Variants in RANBP17 observed in about 807,000 individuals in gnomAD.
RANBP17 encodes the protein RAN binding protein 17.
RANBP17 carries 158 observed loss-of-function variants against 141.2 expected under a neutral mutation model. That is an observed-to-expected ratio of 1.12 (90% CI 0.98 to 1.28). The LOEUF (loss-of-function observed/expected upper bound fraction) is 1.28. Among genes scored for constraint, RANBP17 ranks in the 50% most tolerant of loss-of-function variants. The pLI is 0.00. For synonymous variants in RANBP17, 430 were observed against 450.0 expected (o/e 0.96, Z 0.56); for missense variants, 1,438 against 1,290.7 (o/e 1.11, Z -1.75).
intron 14 of RANBP17, among the ~76,000 whole-genome samples, chr5:171,012,493 C>G (rs1780126734): frequency 2.0e-5 from 3 of 151,932 alleles, no homozygotes; most frequent in Admixed American, 1.3e-4. Context: ...TGTACATTTC[C>G]TAGGATTCTT....
chr5:170,940,830 A>G (rs923102428), intron 12 of RANBP17, among the ~76,000 whole-genome samples: 4 of 152,186 alleles, frequency 2.6e-5, no homozygotes, highest in Non-Finnish European at 5.9e-5. Flanking sequence ...GTTTTAAAAA[A>G]AATTGTCCAA....
At chr5:170,999,783 G>A (rs1284111488) in intron 14 of RANBP17, among the ~76,000 whole-genome samples, 2 of 152,082 alleles carry the variant, frequency 1.3e-5, no homozygotes, top group African/African-American at 2.4e-5. Flanking sequence ...CCATTTTAAA[G>A]TATGCAGTTC....
intron 14 of RANBP17, among the ~76,000 whole-genome samples, chr5:171,114,162 A>G (rs1369826961): frequency 6.6e-6 from 1 of 152,182 alleles, no homozygotes; most frequent in Non-Finnish European, 1.5e-5. Context: ...TTAAATTACC[A>G]AAGCGTCCAT....
chr5:171,148,831 T>C (rs1758270132), intron 14 of RANBP17, among the ~76,000 whole-genome samples: 1 of 152,176 alleles, frequency 6.6e-6, no homozygotes, highest in Admixed American at 6.5e-5. Flanking sequence ...TCTTCAGTGG[T>C]AAAATTGTGA....
rs757585137 is a variant in RANBP17, at chr5:171,186,526, CTTTTTTTTTTTTTTTTTT to C, written c.2038+3107_2038+3124del. Among the ~76,000 whole-genome samples the C allele has an allele frequency of 9.6e-5, 4 of 41,650 alleles. No homozygotes were observed. The Admixed American group carries it at 1.8e-3, about 18-fold the overall frequency. 27.3% of individuals were successfully genotyped at this position (41,650 alleles called of 152,430 possible). A position where few individuals can be genotyped will look rare whatever the true frequency, so the allele number is the denominator to read the frequency against. On this transcript the variant is annotated intron_variant, in intron 18 of 27. Coordinates refer to ENST00000523189, the MANE Select transcript of RANBP17 (RefSeq NM_022897.5). ...GAAATGTTATCACTGGTATGATTTT[CTTTTTTTTTTTTTTTTTT>C]TTTTTTTTTTGAGACGGAGTCTCGC... is the stretch of plus-strand genomic sequence containing the variant.
intron 14 of RANBP17, among the ~76,000 whole-genome samples, chr5:171,106,870 A>G (rs1372892416): frequency 1.3e-5 from 2 of 152,178 alleles, no homozygotes; most frequent in Non-Finnish European, 2.9e-5. Flanking sequence ...TATTTCCATT[A>G]TGTTTGTATA....
Position 171,255,990 on chromosome 5 carries a change from G to C in RANBP17, c.2777-9691G>C, listed in dbSNP as rs1341475038. 2.0e-5 allele frequency among the ~76,000 whole-genome samples: 3 copies of C among 152,314 alleles called. No individual in the cohort carries two copies. The East Asian group carries it at 5.8e-4, about 29-fold the overall frequency. On this transcript the variant is annotated intron_variant, in intron 24 of 27. Transcript: ENST00000523189. ...AAAAGATTATTTAAGACAGGAACCA[G>C]GAGGCTTGGGAATAGGGAAAAAAGG...
chr5:171,192,522 A>G (rs1761717349), intron 18 of RANBP17, among the ~76,000 whole-genome samples: 1 of 152,134 alleles, frequency 6.6e-6, no homozygotes. Context: ...CTGGTTCCCT[A>G]GGGAGAAGAA....
At chr5:171,064,406 T>C (rs544055769) in intron 14 of RANBP17, among the ~76,000 whole-genome samples, 1 of 152,394 alleles carries the variant, frequency 6.6e-6, no homozygotes, top group East Asian at 1.9e-4. Context: ...ATTTCTCTTT[T>C]ATATGAATGA....
intron 1 of RANBP17, among the ~76,000 whole-genome samples, chr5:170,864,475 G>A (rs908027456): frequency 6.6e-6 from 1 of 152,166 alleles, no homozygotes; most frequent in Non-Finnish European, 1.5e-5. Flanking sequence ...CAATATCTCA[G>A]GCATACCTGT....
chr5:171,095,274 T>C (rs954058508), intron 14 of RANBP17, among the ~76,000 whole-genome samples: 2 of 152,326 alleles, frequency 1.3e-5, no homozygotes, highest in East Asian at 3.9e-4. Context: ...CCATCTTATA[T>C]TATTTTACTC....
chr5:171,253,711 T>C (rs1241270342), intron 24 of RANBP17, among the ~76,000 whole-genome samples: 1 of 152,202 alleles, frequency 6.6e-6, no homozygotes, highest in African/African-American at 2.4e-5. Context: ...TGTCAGTAAA[T>C]TTGAGCATAT....
At chr5:170,988,103 C>G (rs971423617) in intron 14 of RANBP17, among the ~76,000 whole-genome samples, 3 of 151,476 alleles carry the variant, frequency 2.0e-5, no homozygotes, top group Non-Finnish European at 3.0e-5. Context: ...TATATGCTTA[C>G]CCACAGAATA....
chr5:170,930,130 T>C (rs937621410), intron 12 of RANBP17, among the ~76,000 whole-genome samples: 1 of 151,994 alleles, frequency 6.6e-6, no homozygotes, highest in Non-Finnish European at 1.5e-5. Context: ...TTGATCTTTA[T>C]TCTTTCTTCA....
At chr5:171,030,219 A>T (rs941644378) in intron 14 of RANBP17, among the ~76,000 whole-genome samples, 2 of 152,050 alleles carry the variant, frequency 1.3e-5, no homozygotes, top group Non-Finnish European at 2.9e-5. Context: ...TTTTGTGTTT[A>T]TTATTCAAAA....
intron 14 of RANBP17, among the ~76,000 whole-genome samples, chr5:171,003,897 A>G (rs1779395831): frequency 3.9e-5 from 6 of 152,122 alleles, no homozygotes; most frequent in Non-Finnish European, 8.8e-5. Context: ...TGGAATAGTG[A>G]GTTGTGGAGG....
At chr5:171,096,041 G>A (rs1050853511) in intron 14 of RANBP17, among the ~76,000 whole-genome samples, 1 of 152,140 alleles carries the variant, frequency 6.6e-6, no homozygotes, top group African/African-American at 2.4e-5. Flanking sequence ...TGGAGGAGGG[G>A]AAGGGGCTGG....
At chr5:170,914,275 T>TA (rs769220823) in intron 8 of RANBP17, 35 bp downstream of exon 8, 223 of 1,377,746 alleles carry the variant, frequency 1.6e-4, no homozygotes, top group Non-Finnish European at 2.1e-4. Context: ...CGTTAAAAAA[T>TA]ACCTGTGTAA....
intron 14 of RANBP17, among the ~76,000 whole-genome samples, chr5:170,970,008 C>A (rs1228959378): frequency 2.6e-5 from 4 of 151,904 alleles, no homozygotes; most frequent in Non-Finnish European, 5.9e-5. Flanking sequence ...GCCAATCTGT[C>A]TTAATAGAAA....
Sources: gnomAD v4.1 joint callset for allele counts (sites outside exome capture counted in the v4.1 genomes callset) on GRCh38, gnomAD v4.1.1 for gene constraint, MANE v1.5 for transcripts, NCBI Gene and HGNC (gene_info 2026-07-23, HGNC 2026-07-21) for gene names.